Variants in CSMD1 observed in about 807,000 individuals in gnomAD.
CSMD1 encodes CUB and Sushi multiple domains 1.
In CSMD1, 213 loss-of-function variants were observed where a neutral mutation model predicts 417.5. The ratio of observed to expected loss-of-function variants is 0.51; its 90% CI spans 0.46 to 0.57. CSMD1 has a LOEUF of 0.57. Among genes scored for constraint, CSMD1 ranks in the 20% least tolerant of loss-of-function variants. The pLI is 0.00. For synonymous variants in CSMD1, 2,862 were observed against 1,736.8 expected, an observed-to-expected ratio of 1.65 and a Z score of -16.11; for missense variants, 6,923 against 4,529.7, an observed-to-expected ratio of 1.53 and a Z score of -15.17.
At chr8:4,966,209 C>CAAAAAAAAAAAAAA (rs33941630) in intron 1 of CSMD1, among the ~76,000 whole-genome samples, 3 of 89,132 alleles carry the variant, frequency 3.4e-5, no homozygotes, top group Admixed American at 1.3e-4. Flanking sequence ...ACTAAATATA[C>CAAAAAAAAAAAAAA]AAAAAAAAAA....
intron 1 of CSMD1, among the ~76,000 whole-genome samples, chr8:4,893,206 G>C (rs932698002): frequency 6.6e-6 from 1 of 152,106 alleles, no homozygotes; most frequent in African/African-American, 2.4e-5. Context: ...CACTAAAATA[G>C]TTGTATTGGT....
intron 5 of CSMD1, among the ~76,000 whole-genome samples, chr8:3,805,148 G>A (rs1800658654): frequency 6.6e-6 from 1 of 152,276 alleles, no homozygotes; most frequent in African/African-American, 2.4e-5. Flanking sequence ...CACTAGGACA[G>A]CAGCATCCCA....
chr8:3,249,773 C>T (rs982358327), intron 26 of CSMD1, among the ~76,000 whole-genome samples: 3 of 151,886 alleles, frequency 2.0e-5, no homozygotes, highest in African/African-American at 7.3e-5. Flanking sequence ...TAAATCTAAT[C>T]AATTTCCATG....
At chr8:3,698,675 C>G (rs1055220533) in intron 7 of CSMD1, among the ~76,000 whole-genome samples, 2 of 152,176 alleles carry the variant, frequency 1.3e-5, no homozygotes, top group African/African-American at 2.4e-5. Flanking sequence ...AGTAACACGC[C>G]TGGTATTCCT....
At chr8:3,852,501 C>G (rs539595746) in intron 5 of CSMD1, among the ~76,000 whole-genome samples, 2 of 152,248 alleles carry the variant, frequency 1.3e-5, no homozygotes, top group South Asian at 2.1e-4. Flanking sequence ...AAGATGCTGA[C>G]AGTTGACGAT....
intron 3 of CSMD1, among the ~76,000 whole-genome samples, chr8:4,194,399 T>C (rs916426016): frequency 6.6e-6 from 1 of 152,158 alleles, no homozygotes; most frequent in South Asian, 2.1e-4. Flanking sequence ...CATGAAACAA[T>C]GGACACTCCA....
At chr8:3,709,649 C>T (rs74824547) in intron 6 of CSMD1, among the ~76,000 whole-genome samples, 3,504 of 136,276 alleles carry the variant, frequency 0.026, 166 homozygotes, top group African/African-American at 0.09. Context: ...AGACTTCCTC[C>T]TGCCTGATGG....
chr8:4,678,920 G>A (rs1805858406), intron 1 of CSMD1, among the ~76,000 whole-genome samples: 1 of 152,104 alleles, frequency 6.6e-6, no homozygotes, highest in South Asian at 2.1e-4. Flanking sequence ...CAAATAGATT[G>A]TACTTAACTA....
At chr8:4,112,627 G>T (rs1400672655) in intron 3 of CSMD1, among the ~76,000 whole-genome samples, 2 of 152,186 alleles carry the variant, frequency 1.3e-5, no homozygotes, top group East Asian at 3.9e-4. Context: ...AGCAAGCAGG[G>T]ACCTGTCCAA....
At chr8:4,159,720 C>T (rs571946123) in intron 3 of CSMD1, among the ~76,000 whole-genome samples, 5 of 152,270 alleles carry the variant, frequency 3.3e-5, no homozygotes, top group African/African-American at 9.6e-5. Flanking sequence ...TCCCGAGCAG[C>T]TGGGACTACA....
chr8:3,192,276 C>T (rs1477642577), intron 33 of CSMD1, among the ~76,000 whole-genome samples: 2 of 151,900 alleles, frequency 1.3e-5, no homozygotes, highest in Non-Finnish European at 2.9e-5. Flanking sequence ...TATTATAGGT[C>T]AAGGATCTCT....
At chr8:4,084,972 C>G (rs970372865) in intron 3 of CSMD1, among the ~76,000 whole-genome samples, 6 of 152,012 alleles carry the variant, frequency 3.9e-5, no homozygotes, top group Admixed American at 1.3e-4. Flanking sequence ...AGGAGATGGC[C>G]ATATTACCAC....
At chr8:4,397,286 G>C (rs1008877788) in intron 3 of CSMD1, among the ~76,000 whole-genome samples, 3 of 152,162 alleles carry the variant, frequency 2.0e-5, no homozygotes, top group East Asian at 1.9e-4. Context: ...AGTTACCTAA[G>C]CAGAACATTG....
At chr8:3,963,730 C>G (rs931272980) in intron 5 of CSMD1, among the ~76,000 whole-genome samples, 2 of 151,938 alleles carry the variant, frequency 1.3e-5, no homozygotes, top group African/African-American at 2.4e-5. Flanking sequence ...ATTTTGATAG[C>G]AAAACAAAAG....
intron 5 of CSMD1, among the ~76,000 whole-genome samples, chr8:3,894,158 A>C (rs940409790): frequency 6.6e-6 from 1 of 152,114 alleles, no homozygotes; most frequent in Non-Finnish European, 1.5e-5. Context: ...AAACTACTCT[A>C]TGCTACACTT....
chr8:4,845,732 G>C (rs1179464899), intron 1 of CSMD1, among the ~76,000 whole-genome samples: 3 of 152,174 alleles, frequency 2.0e-5, no homozygotes, highest in African/African-American at 7.2e-5. Context: ...CACAGAGAGG[G>C]AGCACTGGCC....
chr8:4,088,061 A>G (rs1437734625), intron 3 of CSMD1, among the ~76,000 whole-genome samples: 2 of 152,210 alleles, frequency 1.3e-5, no homozygotes, highest in African/African-American at 2.4e-5. Context: ...ACCTTTGACA[A>G]TCACAGTAAC....
At chr8:4,350,388 A>C (rs532011197) in intron 3 of CSMD1, among the ~76,000 whole-genome samples, 22 of 152,330 alleles carry the variant, frequency 1.4e-4, no homozygotes, top group Non-Finnish European at 3.2e-4. Flanking sequence ...GTTATAAATG[A>C]AATGCACAGC....
chr8:3,882,492 T>G (rs1002348868), intron 5 of CSMD1, among the ~76,000 whole-genome samples: 14 of 152,202 alleles, frequency 9.2e-5, no homozygotes, highest in Admixed American at 9.2e-4. Context: ...GCAAAACTAT[T>G]AGACTCTCTC....
Sources: allele counts gnomAD v4.1 joint callset (sites outside exome capture counted in the v4.1 genomes callset), GRCh38; gene constraint gnomAD v4.1.1; transcripts MANE v1.5; gene names NCBI Gene and HGNC (gene_info 2026-07-23, HGNC 2026-07-21).